Variants in CDK3 observed in about 807,000 individuals in gnomAD.
CDK3 encodes cyclin dependent kinase 3.
CDK3 carries 24 observed loss-of-function variants against 30.2 expected under a neutral mutation model. The ratio of observed to expected loss-of-function variants is 0.79; its 90% CI spans 0.57 to 1.12. The LOEUF is 1.12. CDK3 is among the 50% of genes most tolerant of loss of function. The pLI, the probability that CDK3 is intolerant of heterozygous loss-of-function variation, is 0.00. For missense variants in CDK3, 345 were observed against 376.0 expected (o/e 0.92, Z 0.68); for synonymous variants, 158 against 154.2 (o/e 1.02, Z -0.18).
rs1222945282 is a variant in CDK3, at chr17:76,001,855, G to A, written c.117-19G>A. Reference sequence around the variant, plus strand: ...TTGGCCCAAGTCTCTGCCCACGGCTGTGCCCTTGTTTCTTGCAGGGAGATG... The same window carrying A: ...TTGGCCCAAGTCTCTGCCCACGGCTATGCCCTTGTTTCTTGCAGGGAGATG... On this transcript the variant is annotated intron_variant, in intron 2 of 7. Transcript: ENST00000448471. This position sits in a 1 kb window ranked among gnomAD's most constrained non-coding sequence, Gnocchi z 6.2. 1 of 1,610,132 alleles carries A rather than the reference G, an allele frequency of 6.2e-7. No homozygotes were observed.
chr17:76,001,320 G>C lies in CDK3; in HGVS notation c.-14-92G>C. 6.4e-7 allele frequency: 1 copy of C among 1,567,428 alleles called. No homozygotes were observed. Among genetic ancestry groups the C allele is most frequent in the South Asian group, 1.2e-5 (1 of 86,426 alleles). On this transcript the variant is annotated intron_variant, in intron 1 of 7. Coordinates refer to ENST00000448471, the MANE Select transcript of CDK3 (RefSeq NM_001258.4). This position sits in a 1 kb window ranked among gnomAD's most constrained non-coding sequence, Gnocchi z 6.2. ...TTGGGAGCTGGGCAGTCTGGGCTGG[G>C]CTGGGCTGGGCAGGGCGCCACATGG...
Position 76,005,476 on chromosome 17 carries a change from C to T in CDK3, c.*53C>T. The T allele has an allele frequency of 6.3e-7, 1 of 1,579,726 alleles. No individual in the cohort carries two copies. Among genetic ancestry groups the T allele is most frequent in the East Asian group, 2.3e-5 (1 of 44,368 alleles). On this transcript the variant is annotated 3_prime_UTR_variant, in exon 8 of 8. Transcript: ENST00000448471. This position sits in a 1 kb window ranked among gnomAD's most constrained non-coding sequence, Gnocchi z 4.7. ...TCTCGAGCAGCTGCTGCCCCAGCTG[C>T]CTCCTACCCATTGCCAAGAGAGGAT...
Position 76,002,051 on chromosome 17 carries a change from A to G in CDK3, c.224A>G (p.Lys75Arg). The change falls in exon 4 of 8, where the codon AAG becomes AGG. Residue 75 changes from lysine to arginine, a missense_variant. By Grantham distance (26) the Lys-to-Arg change is conservative. Transcript: ENST00000448471. This position sits in a 1 kb window ranked among gnomAD's most constrained non-coding sequence, Gnocchi z 4.3. ...RLLDVVHNER[K>R]LYLVFEFLSQ... is the part of the protein sequence containing the mutation. ...CTGGACGTGGTGCACAACGAGAGGA[A>G]GCTCTATCTGGTGTTTGAGTTCCTC... is the stretch of plus-strand genomic sequence containing the variant. The G allele has an allele frequency of 6.2e-7, 1 of 1,614,002 alleles. No individual in the cohort carries two copies. The highest frequency in any genetic ancestry group is 8.5e-7 in the Non-Finnish European group (1 of 1,179,980).
rs988287773 is a variant in CDK3 at position 76,001,193 on chromosome 17, C to T, written c.-14-219C>T. 1.5e-6 allele frequency: 2 copies of T among 1,378,476 alleles called. No individual in the cohort carries two copies. Among genetic ancestry groups the T allele is most frequent in the African/African-American group, 1.5e-5 (1 of 68,006 alleles). 85.4% of individuals were successfully genotyped at this position (1,378,476 alleles called of 1,614,324 possible). A position where few individuals can be genotyped will look rare whatever the true frequency, so the allele number is the denominator to read the frequency against. Reference sequence around the variant, plus strand: ...GGGCTGGGTGAAGGGGGCCCCCTGACCCCCTTGGGGTCCGGGCTGGGCTGG... The same window carrying T: ...GGGCTGGGTGAAGGGGGCCCCCTGATCCCCTTGGGGTCCGGGCTGGGCTGG... On this transcript the variant is annotated intron_variant, in intron 1 of 7. Coordinates refer to ENST00000448471, the MANE Select transcript of CDK3 (RefSeq NM_001258.4). The surrounding 1 kb of genome is among the most constrained non-coding windows in gnomAD (Gnocchi z 6.2).
intron 7 of CDK3, among the ~76,000 whole-genome samples, chr17:76,004,284 C>G (rs934969004): frequency 7.2e-6 from 1 of 138,048 alleles, no homozygotes; most frequent in Non-Finnish European, 1.5e-5. Context: ...AGTGGTGTGA[C>G]CATGACTTAC....
chr17:76,005,195 A>C lies in CDK3; in HGVS notation c.793-103A>C. ...TTCATGCGGTTCTGGGTTTGAGGGC[A>C]GCCAATTTGGGGCCCAGGCCCTTGA... On this transcript the variant is annotated intron_variant, in intron 7 of 7. Transcript: ENST00000448471. The surrounding 1 kb of genome is among the most constrained non-coding windows in gnomAD (Gnocchi z 4.7). 6.9e-7 allele frequency: 1 copy of C among 1,442,894 alleles called. No individual in the cohort carries two copies. The highest frequency in any genetic ancestry group is 9.3e-7 in the Non-Finnish European group (1 of 1,072,688). The allele number at this position is 1,442,894 out of a possible 1,614,324, so 89.4% of individuals were successfully genotyped here. A position where few individuals can be genotyped will look rare whatever the true frequency, so the allele number is the denominator to read the frequency against.
rs770383950 is a variant in CDK3 at position 76,001,850 on chromosome 17, C to T, written c.117-24C>T. 4.0e-5 allele frequency: 65 copies of T among 1,607,386 alleles called. No homozygotes were observed. The highest frequency in any genetic ancestry group is 5.4e-5 in the Non-Finnish European group (63 of 1,175,108). On this transcript the variant is annotated intron_variant, in intron 2 of 7. Coordinates refer to ENST00000448471, the MANE Select transcript of CDK3 (RefSeq NM_001258.4). The surrounding 1 kb of genome is among the most constrained non-coding windows in gnomAD (Gnocchi z 6.2). ...CCTTCTTGGCCCAAGTCTCTGCCCA[C>T]GGCTGTGCCCTTGTTTCTTGCAGGG...
In CDK3 at chr17:76,001,715, C is replaced by T. The variant is rs1189561682; in HGVS notation, c.117-159C>T. 6.5e-6 allele frequency: 6 copies of T among 916,448 alleles called. No individual in the cohort carries two copies. Among genetic ancestry groups the T allele is most frequent in the Non-Finnish European group, 9.8e-6 (6 of 610,722 alleles). The allele number at this position is 916,448 out of a possible 1,614,324, so 56.8% of individuals were successfully genotyped here. ...CTTCTGACCAGCCTTTGCCGGGGCC[C>T]TGACTGTGGAGTTTGGTGGATGACG... On this transcript the variant is annotated intron_variant, in intron 2 of 7. Coordinates refer to ENST00000448471, the MANE Select transcript of CDK3 (RefSeq NM_001258.4). The surrounding 1 kb of genome is among the most constrained non-coding windows in gnomAD (Gnocchi z 6.2).
chr17:76,004,219 G>GTTTTTTGT (rs1555622992), intron 7 of CDK3, among the ~76,000 whole-genome samples: 1 of 92,322 alleles, frequency 1.1e-5, no homozygotes, highest in Non-Finnish European at 1.9e-5. Context: ...AGAACCGTCT[G>GTTTTTTGT]TTTTTTTTTT....
Position 76,002,377 on chromosome 17 carries a change from G to A in CDK3, c.445G>A (p.Ala149Thr), listed in dbSNP as rs1256140659. 1 of 1,612,538 alleles carries A rather than the reference G, an allele frequency of 6.2e-7. No individual in the cohort carries two copies. Residue 149 changes from alanine (A) to threonine (T), a missense_variant, in exon 5 of 8, where the codon GCT becomes ACT. Transcript: ENST00000448471. The surrounding 1 kb of genome is among the most constrained non-coding windows in gnomAD (Gnocchi z 4.3). ...CATCAAGCTGGCTGACTTCGGCCTG[G>A]CTCGCGCCTTCGGGGTGCCCCTGCG... Reference protein sequence around the residue: ...GAIKLADFGLARAFGVPLRTY... With the variant: ...GAIKLADFGLTRAFGVPLRTY...
chr17:76,005,163 T>G lies in CDK3; in HGVS notation c.793-135T>G, dbSNP rs1598225022. ...CGGAACTGGCTGGAGAGCTGGGAGG[T>G]CATGGCTTCATGCGGTTCTGGGTTT... is the stretch of plus-strand genomic sequence containing the variant. On this transcript the variant is annotated intron_variant, in intron 7 of 7. Coordinates refer to ENST00000448471, the MANE Select transcript of CDK3 (RefSeq NM_001258.4). The surrounding 1 kb of genome is among the most constrained non-coding windows in gnomAD (Gnocchi z 4.7). 9.5e-7 allele frequency: 1 copy of G among 1,054,342 alleles called. No homozygotes were observed. Among genetic ancestry groups the G allele is most frequent in the Non-Finnish European group, 1.3e-6 (1 of 741,234 alleles). The allele number at this position is 1,054,342 out of a possible 1,614,324, so 65.3% of individuals were successfully genotyped here.
Position 76,005,156 on chromosome 17 carries a change from TG to T in CDK3, c.793-139del. The T allele has an allele frequency of 1.0e-6, 1 of 965,392 alleles. No individual in the cohort carries two copies. 59.8% of individuals were successfully genotyped at this position (965,392 alleles called of 1,614,324 possible). ...GAGTGTCCGGAACTGGCTGGAGAGC[TG>T]GGAGGTCATGGCTTCATGCGGTTCT... is the stretch of plus-strand genomic sequence containing the variant. On this transcript the variant is annotated intron_variant, in intron 7 of 7. Transcript: ENST00000448471. This position sits in a 1 kb window ranked among gnomAD's most constrained non-coding sequence, Gnocchi z 4.7.
At chr17:76,004,756 T>C (rs1338495260) in intron 7 of CDK3, 1 of 153,238 alleles carries the variant, frequency 6.5e-6, no homozygotes, top group Non-Finnish European at 1.5e-5. Context: ...TCAGGCTGTG[T>C]GTCCAGCTCT....
At position 76,003,290 on chromosome 17, in the gene CDK3, CG is replaced by C. The variant is rs752913271; in HGVS notation, c.688del (p.Val230SerfsTer111). On this transcript the variant is annotated frameshift_variant, in exon 7 of 8. Transcript: ENST00000448471. LOFTEE classifies it high-confidence loss of function. ...LGTPSEDTWP[G>X]VTQLPDYKGS... ...GGACACCCAGCGAAGACACATGGCC[CG>C]GGGTCACCCAGCTGCCTGACTATAA... is the stretch of plus-strand genomic sequence containing the variant. The C allele has an allele frequency of 3.1e-6, 5 of 1,614,082 alleles. No homozygotes were observed. The South Asian group carries it at 5.5e-5, about 18-fold the overall frequency.
At position 76,005,279 on chromosome 17, in the gene CDK3, C is replaced by G. The variant is rs2066304022; in HGVS notation, c.793-19C>G. 6.2e-7 allele frequency: 1 copy of G among 1,612,480 alleles called. No homozygotes were observed. The highest frequency in any genetic ancestry group is 1.3e-5 in the African/African-American group (1 of 74,910). ...CCTGGCTGCACCCAGACCACATCTT[C>G]TTCCTTCTTTCTTCCTAGCAACTCC... is the stretch of plus-strand genomic sequence containing the variant. On this transcript the variant is annotated intron_variant, in intron 7 of 7. Transcript: ENST00000448471. The surrounding 1 kb of genome is among the most constrained non-coding windows in gnomAD (Gnocchi z 4.7).
chr17:76,001,795 G>A lies in CDK3; in HGVS notation c.117-79G>A. ...GGCCCTGGTCATTCTGTGGGGTTAAGGAGAAGCCGATCCCCCTGGCTGGAA... is the reference window on the plus strand; with the variant it reads ...GGCCCTGGTCATTCTGTGGGGTTAAAGAGAAGCCGATCCCCCTGGCTGGAA... On this transcript the variant is annotated intron_variant, in intron 2 of 7. Transcript: ENST00000448471. This position sits in a 1 kb window ranked among gnomAD's most constrained non-coding sequence, Gnocchi z 6.2. 7.3e-7 allele frequency: 1 copy of A among 1,368,950 alleles called. No individual in the cohort carries two copies. Among genetic ancestry groups the A allele is most frequent in the Non-Finnish European group, 1.0e-6 (1 of 993,372 alleles). 84.8% of individuals were successfully genotyped at this position (1,368,950 alleles called of 1,614,324 possible).
chr17:76,001,166 C>T lies in CDK3; in HGVS notation c.-15+199C>T. 9 of 1,329,508 alleles carry T rather than the reference C, an allele frequency of 6.8e-6. No individual in the cohort carries two copies. Among genetic ancestry groups the T allele is most frequent in the Non-Finnish European group, 8.7e-6 (9 of 1,034,000 alleles). 82.4% of individuals were successfully genotyped at this position (1,329,508 alleles called of 1,614,324 possible). A position where few individuals can be genotyped will look rare whatever the true frequency, so the allele number is the denominator to read the frequency against. ...GAGAAGCCTGGGGGTCCTGGCTGAA[C>T]TGGGCTGGGTGAAGGGGGCCCCCTG... is the stretch of plus-strand genomic sequence containing the variant. On this transcript the variant is annotated intron_variant, in intron 1 of 7. Coordinates refer to ENST00000448471, the MANE Select transcript of CDK3 (RefSeq NM_001258.4). This position sits in a 1 kb window ranked among gnomAD's most constrained non-coding sequence, Gnocchi z 6.2.
chr17:76,004,222 T>TA lies in CDK3; in HGVS notation c.792+824_792+825insA, dbSNP rs2066289688. Among the ~76,000 whole-genome samples, 4 of 138,300 alleles carry TA rather than the reference T, an allele frequency of 2.9e-5. No individual in the cohort carries two copies. The East Asian group carries it at 8.5e-4, about 29-fold the overall frequency. 90.7% of individuals were successfully genotyped at this position (138,300 alleles called of 152,430 possible). A position where few individuals can be genotyped will look rare whatever the true frequency, so the allele number is the denominator to read the frequency against. ...GAAGTCTCTGGCAGAACCGTCTGTT[T>TA]TTTTTTTTTTTTTTGAGACAGGGTC... On this transcript the variant is annotated intron_variant, in intron 7 of 7. Transcript: ENST00000448471.
rs969143739 is a variant in CDK3 at position 76,005,139 on chromosome 17, G to A, written c.793-159G>A. On this transcript the variant is annotated intron_variant, in intron 7 of 7. Transcript: ENST00000448471. This position sits in a 1 kb window ranked among gnomAD's most constrained non-coding sequence, Gnocchi z 4.7. ...GACTGTCCAGATTCCAGGAGTGTCCGGAACTGGCTGGAGAGCTGGGAGGTC... is the reference window on the plus strand; with the variant it reads ...GACTGTCCAGATTCCAGGAGTGTCCAGAACTGGCTGGAGAGCTGGGAGGTC... Among the ~76,000 whole-genome samples the A allele has an allele frequency of 2.6e-5, 4 of 152,182 alleles. No homozygotes were observed. The highest frequency in any genetic ancestry group is 1.9e-4 in the East Asian group (1 of 5,194).
Sources: gnomAD v4.1 joint callset for allele counts (sites outside exome capture counted in the v4.1 genomes callset) on GRCh38, gnomAD v4.1.1 for gene constraint, Gnocchi (gnomAD v3.1) non-coding constraint, MANE v1.5 for transcripts, NCBI Gene and HGNC (gene_info 2026-07-23, HGNC 2026-07-21) for gene names.